The following DAP3 variants were observed in gnomAD, a reference collection of about 807,000 sequenced individuals.
DAP3 encodes the protein small ribosomal subunit protein mS29.
A neutral mutation model predicts 51.9 loss-of-function variants in DAP3; 28 were observed. The observed-to-expected ratio is 0.54, with a 90% CI of 0.40 to 0.74. DAP3 has a LOEUF of 0.74. DAP3 is among the 30% of genes least tolerant of loss of function. The pLI, the probability that DAP3 is intolerant of heterozygous loss-of-function variation, is 0.00. For missense variants in DAP3, 458 were observed against 483.5 expected (o/e 0.95, Z 0.49); for synonymous variants, 170 against 170.3 (o/e 1.00, Z 0.01).
chr1:155,692,336 C>A (rs1050003945), intron 1 of DAP3, among the ~76,000 whole-genome samples: 1 of 141,680 alleles, frequency 7.1e-6, no homozygotes, highest in Non-Finnish European at 1.5e-5. Context: ...TTTTTATGGC[C>A]AGTTTATGCA....
rs1451975445 is a variant in DAP3, at chr1:155,708,428, T to C, written c.-7-1345T>C. 3.3e-5 allele frequency among the ~76,000 whole-genome samples: 5 copies of C among 152,196 alleles called. No individual in the cohort carries two copies. In the East Asian group the frequency reaches 9.6e-4, roughly 29 times the overall value. On this transcript the variant is annotated intron_variant, in intron 1 of 12. Coordinates refer to ENST00000368336, the MANE Select transcript of DAP3 (RefSeq NM_004632.4). ...TTGTGCATTTTCAACTTTGCAAAGA[T>C]AGTGTATTTATACTTTCATTGACAT...
At chr1:155,711,515 C>G (rs1370602586) in intron 2 of DAP3, among the ~76,000 whole-genome samples, 2 of 151,652 alleles carry the variant, frequency 1.3e-5, no homozygotes, top group Admixed American at 6.6e-5. Flanking sequence ...AAAATTTCCT[C>G]TTTCTTAATA....
At chr1:155,698,461 A>G in intron 1 of DAP3, among the ~76,000 whole-genome samples, 1 of 151,108 alleles carries the variant, frequency 6.6e-6, no homozygotes, top group Non-Finnish European at 1.5e-5. Flanking sequence ...AACACTCTGG[A>G]CTCTCCCTTT....
chr1:155,697,089 G>GT (rs987193964), intron 1 of DAP3, among the ~76,000 whole-genome samples: 16 of 152,182 alleles, frequency 1.1e-4, no homozygotes, highest in African/African-American at 3.9e-4. Flanking sequence ...TTTTCTAGTA[G>GT]TTTTTTAACT....
At chr1:155,735,116 A>G (rs1326870936) in intron 11 of DAP3, among the ~76,000 whole-genome samples, 1 of 150,028 alleles carries the variant, frequency 6.7e-6, no homozygotes, top group East Asian at 1.9e-4. Flanking sequence ...ATGAAAAAAA[A>G]AAAAAAAGAA....
intron 1 of DAP3, among the ~76,000 whole-genome samples, chr1:155,698,745 G>A (rs1312626314): frequency 2.6e-5 from 4 of 152,124 alleles, no homozygotes; most frequent in African/African-American, 9.7e-5. Flanking sequence ...AAGATTTTTT[G>A]TATCAACTTT....
At chr1:155,733,710 G>A (rs900421959) in intron 11 of DAP3, among the ~76,000 whole-genome samples, 4 of 152,196 alleles carry the variant, frequency 2.6e-5, no homozygotes, top group African/African-American at 4.8e-5. Context: ...GGTGGTGCGT[G>A]CCTATAGTCC....
chr1:155,717,032 G>C lies in DAP3; in HGVS notation c.72G>C (p.Met24Ile). 1 of 1,613,590 alleles carries C rather than the reference G, an allele frequency of 6.2e-7. No individual in the cohort carries two copies. The highest frequency in any genetic ancestry group is 8.5e-7 in the Non-Finnish European group (1 of 1,179,846). Residue 24 changes from methionine to isoleucine, a missense_variant, in exon 3 of 13, where the codon ATG (methionine) becomes ATC (isoleucine). Physicochemically the swap from Met to Ile is conservative, Grantham distance 10. Coordinates refer to ENST00000368336, the MANE Select transcript of DAP3 (RefSeq NM_004632.4). The stretch of plus-strand genomic sequence containing the variant: ...TGGACCCTGGGCGTTTTTTACACAT[G>C]GGGACCCAGGCTCGCCAAAGCATTG... ...HKLDPGRFLH[M>I]GTQARQSIAA...
chr1:155,738,333 G>A lies in DAP3; in HGVS notation c.*91G>A. The A allele has an allele frequency of 1.4e-6, 2 of 1,408,046 alleles. No individual in the cohort carries two copies. The highest frequency in any genetic ancestry group is 2.0e-6 in the Non-Finnish European group (2 of 1,014,904). The allele number at this position is 1,408,046 out of a possible 1,614,324, so 87.2% of individuals were successfully genotyped here. On this transcript the variant is annotated 3_prime_UTR_variant, in exon 13 of 13. Coordinates refer to ENST00000368336, the MANE Select transcript of DAP3 (RefSeq NM_004632.4). The stretch of plus-strand genomic sequence containing the variant: ...GAAGTCGGGCAGTACACAGGAAGAG[G>A]AGCCAGGCCCTTGTACCTATGGGAT...
chr1:155,702,167 A>AAG (rs113254058), intron 1 of DAP3, among the ~76,000 whole-genome samples: 11,683 of 148,736 alleles, frequency 0.079, 1,676 homozygotes, highest in African/African-American at 0.28. Context: ...AAAAAAAAAA[A>AAG]AAAGAAAATT....
intron 1 of DAP3, chr1:155,689,572 C>T (rs1371956983): frequency 5.4e-6 from 2 of 372,124 alleles, no homozygotes; most frequent in Non-Finnish European, 1.1e-5. Context: ...AAAAAGTGTA[C>T]ATAAAAATTA....
upstream of DAP3, chr1:155,688,483 C>T: frequency 1.3e-6 from 2 of 1,549,496 alleles, no homozygotes; most frequent in Non-Finnish European, 1.7e-6. Context: ...CACGTCAGCC[C>T]GCACGCGTAC....
chr1:155,721,388 A>G, intron 3 of DAP3, 129 bp from the exon 4 acceptor site: 1 of 418,324 alleles, frequency 2.4e-6, no homozygotes, highest in Non-Finnish European at 4.1e-6. Flanking sequence ...GTGTATATAT[A>G]TATGTATGTA....
intron 6 of DAP3, 33 bp downstream of exon 6, chr1:155,726,052 A>G (rs373366566): frequency 3.3e-4 from 518 of 1,553,578 alleles, no homozygotes; most frequent in Non-Finnish European, 3.2e-4. Context: ...TCTGTCTGTT[A>G]GGTTTAGTTA....
chr1:155,721,577 A>G lies in DAP3; in HGVS notation c.229A>G (p.Thr77Ala). The change falls in exon 4 of 13, where the codon ACT becomes GCT. Residue 77 changes from threonine (T) to alanine (A), a missense_variant. Transcript: ENST00000368336. ...HYNISPQDLETVFPHGLPPRF... is the reference protein window; with the variant it reads ...HYNISPQDLEAVFPHGLPPRF... Reference sequence around the variant, plus strand: ...CAACATCTCCCCCCAGGATTTGGAGACTGTATTTCCCCATGGCCTTCCTCC... The same window carrying G: ...CAACATCTCCCCCCAGGATTTGGAGGCTGTATTTCCCCATGGCCTTCCTCC... The G allele has an allele frequency of 6.2e-7, 1 of 1,614,000 alleles. No homozygotes were observed.
rs184002933 is a variant in DAP3 at position 155,716,358 on chromosome 1, G to A, written c.46-648G>A. On this transcript the variant is annotated intron_variant, in intron 2 of 12. Transcript: ENST00000368336. The stretch of plus-strand genomic sequence containing the variant: ...GGGCGGATCATGAGGTCATGAGATC[G>A]AGACCATCCTGGCTAACACAGTGAA... 3.5e-4 allele frequency among the ~76,000 whole-genome samples: 52 copies of A among 148,300 alleles called. No homozygotes were observed. The East Asian group carries it at 6.8e-3, about 19-fold the overall frequency.
chr1:155,698,011 A>T (rs112549234), intron 1 of DAP3, among the ~76,000 whole-genome samples: 244 of 152,244 alleles, frequency 1.6e-3, no homozygotes, highest in African/African-American at 5.7e-3. Context: ...GAGAAATATG[A>T]CTCTGTTCTG....
chr1:155,693,136 C>G (rs1571413464), intron 1 of DAP3, among the ~76,000 whole-genome samples: 1 of 141,844 alleles, frequency 7.1e-6, no homozygotes, highest in African/African-American at 3.2e-5. Context: ...CTAAACTCCT[C>G]TAGCCCTCAC....
At chr1:155,723,158 T>C (rs1571530618) in intron 4 of DAP3, among the ~76,000 whole-genome samples, 1 of 152,118 alleles carries the variant, frequency 6.6e-6, no homozygotes, top group East Asian at 1.9e-4. Context: ...TTTATTACTA[T>C]TATTTTAATT....
Sources: gnomAD v4.1 joint callset for allele counts (sites outside exome capture counted in the v4.1 genomes callset) on GRCh38, gnomAD v4.1.1 for gene constraint, MANE v1.5 for transcripts, NCBI Gene and HGNC (gene_info 2026-07-23, HGNC 2026-07-21) for gene names.